Variants in CDA observed in about 807,000 individuals in gnomAD.
CDA encodes cytidine deaminase, also known as cytidine aminohydrolase.
In CDA, 7 loss-of-function variants were observed where a neutral mutation model predicts 15.0. The observed-to-expected ratio is 0.47, with a 90% CI of 0.26 to 0.87. The LOEUF (loss-of-function observed/expected upper bound fraction) is 0.87, where lower values mean the gene tolerates loss of function less well. Ranked by LOEUF, CDA falls within the 40% of genes least tolerant of loss-of-function variation. CDA has a pLI of 0.15. For synonymous variants in CDA, 58 were observed against 73.0 expected (o/e 0.79, Z 1.05); for missense variants, 159 against 182.7 (o/e 0.87, Z 0.75).
intron 2 of CDA, among the ~76,000 whole-genome samples, chr1:20,610,457 C>T (rs1054912411): frequency 7.2e-5 from 11 of 151,836 alleles, no homozygotes; most frequent in African/African-American, 2.2e-4. Flanking sequence ...TCTGCCACCA[C>T]GCCCGGCTAA....
At chr1:20,614,244 C>T (rs530783220) in intron 3 of CDA, among the ~76,000 whole-genome samples, 1 of 152,060 alleles carries the variant, frequency 6.6e-6, no homozygotes, top group Admixed American at 6.6e-5. Context: ...AATAAACAAA[C>T]AGTGGCGTTT....
At chr1:20,596,845 C>T (rs552084733) in intron 1 of CDA, among the ~76,000 whole-genome samples, 6 of 150,304 alleles carry the variant, frequency 4.0e-5, no homozygotes, top group Non-Finnish European at 8.9e-5. Context: ...ACTGCAGCCT[C>T]GACCTTCCTG....
intron 1 of CDA, among the ~76,000 whole-genome samples, chr1:20,595,832 A>T (rs2052587232): frequency 7.0e-6 from 1 of 143,586 alleles, no homozygotes; most frequent in Non-Finnish European, 1.5e-5. Context: ...GCAACAGAGC[A>T]AGACTCTCTC....
intron 3 of CDA, among the ~76,000 whole-genome samples, chr1:20,616,962 T>C (rs1557552703): frequency 1.3e-5 from 2 of 152,208 alleles, no homozygotes; most frequent in African/African-American, 4.8e-5. Context: ...ACATAATCAA[T>C]AAGAATGGCA....
intron 3 of CDA, among the ~76,000 whole-genome samples, chr1:20,616,842 A>G (rs975128421): frequency 1.3e-5 from 2 of 152,124 alleles, no homozygotes; most frequent in African/African-American, 4.8e-5. Context: ...TCCTTAAAAC[A>G]TTAATTCTAA....
At chr1:20,610,996 T>G (rs1345526590) in intron 2 of CDA, among the ~76,000 whole-genome samples, 1 of 152,156 alleles carries the variant, frequency 6.6e-6, no homozygotes, top group African/African-American at 2.4e-5. Flanking sequence ...TCCCAGTACT[T>G]TGGGAGGCTG....
chr1:20,597,981 A>C (rs762397036), intron 1 of CDA, among the ~76,000 whole-genome samples: 3 of 151,806 alleles, frequency 2.0e-5, no homozygotes, highest in Non-Finnish European at 4.4e-5. Flanking sequence ...CTGCGTCTTA[A>C]GCATCTAGAA....
At chr1:20,602,425 T>C (rs925122007) in intron 1 of CDA, among the ~76,000 whole-genome samples, 10 of 152,154 alleles carry the variant, frequency 6.6e-5, no homozygotes, top group East Asian at 3.9e-4. Flanking sequence ...ATGGTTTTTT[T>C]TTTTTCGTTG....
intron 1 of CDA, among the ~76,000 whole-genome samples, chr1:20,599,647 T>C (rs146352929): frequency 7.5e-5 from 11 of 146,890 alleles, no homozygotes; most frequent in South Asian, 4.2e-4. Flanking sequence ...TAAAATAAAA[T>C]AAAACAAAAT....
At chr1:20,597,787 G>A (rs995954027) in intron 1 of CDA, among the ~76,000 whole-genome samples, 1 of 152,104 alleles carries the variant, frequency 6.6e-6, no homozygotes, top group African/African-American at 2.4e-5. Flanking sequence ...TGGTTTGCCT[G>A]GTCAGAAGAC....
At chr1:20,612,720 G>A (rs112612435) in intron 2 of CDA, among the ~76,000 whole-genome samples, 5,459 of 152,000 alleles carry the variant, frequency 0.036, 130 homozygotes, top group Middle Eastern at 0.13. Context: ...CGAGGTGGGC[G>A]GATCATGAGG....
chr1:20,616,134 G>A (rs1042688477), intron 3 of CDA, among the ~76,000 whole-genome samples: 4 of 152,202 alleles, frequency 2.6e-5, no homozygotes, highest in African/African-American at 9.6e-5. Flanking sequence ...AGGGCCCCCT[G>A]CCAGGCGGTG....
At chr1:20,615,837 C>T (rs2052797130) in intron 3 of CDA, among the ~76,000 whole-genome samples, 1 of 152,072 alleles carries the variant, frequency 6.6e-6, no homozygotes, top group Non-Finnish European at 1.5e-5. Flanking sequence ...CCGGTCCCTT[C>T]AAACAATTTA....
intron 3 of CDA, among the ~76,000 whole-genome samples, chr1:20,617,377 T>C (rs559739475): frequency 6.6e-6 from 1 of 152,330 alleles, no homozygotes; most frequent in African/African-American, 2.4e-5. Context: ...GCAGTATCTA[T>C]GTGGTGTGGT....
chr1:20,605,138 T>C, intron 2 of CDA, 99 bp downstream of exon 2: 1 of 811,606 alleles, frequency 1.2e-6, no homozygotes. Context: ...TGACATATGT[T>C]TATTGTGGAC....
At chr1:20,591,847 T>TG (rs1393653904) in intron 1 of CDA, among the ~76,000 whole-genome samples, 201 of 130,012 alleles carry the variant, frequency 1.5e-3, no homozygotes, top group Non-Finnish European at 2.6e-3. Flanking sequence ...GGGTTTTTTT[T>TG]TGTTTTTTTT....
intron 2 of CDA, among the ~76,000 whole-genome samples, chr1:20,611,162 G>C (rs1179103573): frequency 6.6e-6 from 1 of 152,124 alleles, no homozygotes; most frequent in Admixed American, 6.5e-5. Context: ...AGCCTTTGAG[G>C]CCAGGAGGCA....
intron 1 of CDA, among the ~76,000 whole-genome samples, chr1:20,601,136 C>T (rs1310657785): frequency 1.3e-5 from 2 of 152,224 alleles, no homozygotes; most frequent in African/African-American, 2.4e-5. Flanking sequence ...GCAACTGGCA[C>T]TGGCCAGACT....
At chr1:20,591,273 G>A (rs1372804955) in intron 1 of CDA, among the ~76,000 whole-genome samples, 3 of 152,146 alleles carry the variant, frequency 2.0e-5, no homozygotes, top group East Asian at 1.9e-4. Context: ...CCTGGGAGGC[G>A]GAGCTTGCAG....
Sources: gnomAD v4.1 joint callset for allele counts (sites outside exome capture counted in the v4.1 genomes callset) on GRCh38, gnomAD v4.1.1 for gene constraint, MANE v1.5 for transcripts, NCBI Gene and HGNC (gene_info 2026-07-23, HGNC 2026-07-21) for gene names.